Variants in SYNE3 observed in about 807,000 individuals in gnomAD.
SYNE3 encodes the protein spectrin repeat containing nuclear envelope family member 3.
Under a neutral mutation model 111.2 loss-of-function variants are expected in SYNE3, and 100 were observed. The ratio of observed to expected loss-of-function variants is 0.90; its 90% confidence interval spans 0.77 to 1.06. The LOEUF (loss-of-function observed/expected upper bound fraction) is 1.06, where lower values mean the gene tolerates loss of function less well. Among genes scored for constraint, SYNE3 ranks in the 50% least tolerant of loss-of-function variants. The pLI is 0.00. For missense variants in SYNE3, 1,160 were observed against 1,240.3 expected, an observed-to-expected ratio of 0.94 and a Z score of 0.97; for synonymous variants, 547 against 533.9, an observed-to-expected ratio of 1.02 and a Z score of -0.34.
At chr14:95,498,122 AT>A (rs34301519) in intron 1 of SYNE3, among the ~76,000 whole-genome samples, 14 of 151,548 alleles carry the variant, frequency 9.2e-5, no homozygotes, top group Middle Eastern at 3.4e-3. Flanking sequence ...GGTATTAACA[AT>A]TTTTTTTAAA....
Position 95,455,484 on chromosome 14 carries a change from G to A in SYNE3, c.1030C>T (p.Leu344Phe). 1 of 1,613,588 alleles carries A rather than the reference G, an allele frequency of 6.2e-7. No homozygotes were observed. The highest frequency in any genetic ancestry group is 8.5e-7 in the Non-Finnish European group (1 of 1,179,996). ...TGCAGGACCATCCTGAACTCACTGA[G>A]CTCAGCCTCCAGCTGCTTAATCTGC... Reference protein sequence around the residue: ...EQQIKQLEAELSEFRMVLQRL... With the variant: ...EQQIKQLEAEFSEFRMVLQRL... Residue 344 changes from leucine to phenylalanine, a missense_variant, in exon 6 of 18, where the codon CTC becomes TTC. Transcript: ENST00000682763.
At chr14:95,513,977 C>T (rs1890818315) in intron 1 of SYNE3, among the ~76,000 whole-genome samples, 1 of 151,852 alleles carries the variant, frequency 6.6e-6, no homozygotes, top group Non-Finnish European at 1.5e-5. Context: ...TGGATATCAG[C>T]CTTCTCATCT....
At position 95,470,883 on chromosome 14, in the gene SYNE3, G is replaced by A. The variant is rs1305579253; in HGVS notation, c.145-2916C>T. Among the ~76,000 whole-genome samples, 1 of 151,614 alleles carries A rather than the reference G, an allele frequency of 6.6e-6. No homozygotes were observed. The highest frequency in any genetic ancestry group is 1.5e-5 in the Non-Finnish European group (1 of 67,940). ...TGAGGCAGGAGACTTGCTTGAACCT[G>A]GGAGGCAGATGTTGCAGTGAGCCGA... On this transcript the variant is annotated intron_variant, in intron 2 of 17. Coordinates refer to ENST00000682763, the MANE Select transcript of SYNE3 (RefSeq NM_152592.6). The surrounding 1 kb of genome is among the most constrained non-coding windows in gnomAD (Gnocchi z 4.2).
At chr14:95,501,924 G>C (rs978616688) in intron 1 of SYNE3, among the ~76,000 whole-genome samples, 1 of 152,122 alleles carries the variant, frequency 6.6e-6, no homozygotes, top group African/African-American at 2.4e-5. Context: ...AGACTCTTGC[G>C]GGGGCACACA....
Position 95,457,270 on chromosome 14 carries a change from G to A in SYNE3, c.696C>T (p.Phe232=). 1 of 1,614,072 alleles carries A rather than the reference G, an allele frequency of 6.2e-7. No homozygotes were observed. Among genetic ancestry groups the A allele is most frequent in the Non-Finnish European group, 8.5e-7 (1 of 1,180,018 alleles). Residue 232 remains phenylalanine (F), a synonymous_variant, in exon 5 of 18, where the codon TTC becomes TTT. Coordinates refer to ENST00000682763, the MANE Select transcript of SYNE3 (RefSeq NM_152592.6). ...HEEYQAGVDE[F]QLWLKAVVEK... is the part of the protein sequence containing the mutation. The stretch of plus-strand genomic sequence containing the variant: ...CCACCACCGCCTTCAGCCACAGTTG[G>A]AACTCGTCCACACCTGCCTGGTACT...
chr14:95,409,492 C>A lies in SYNE3; in HGVS notation c.*8334G>T, dbSNP rs553249880. 2 of 414,438 alleles carry A rather than the reference C, an allele frequency of 4.8e-6. No homozygotes were observed. The highest frequency in any genetic ancestry group is 1.4e-4 in the East Asian group (2 of 14,144). The allele number at this position is 414,438 out of a possible 1,614,324, so 25.7% of individuals were successfully genotyped here. On this transcript the variant is annotated 3_prime_UTR_variant, in exon 18 of 18. Transcript: ENST00000682763. Reference sequence around the variant, plus strand: ...GAAGCCCAGGATCCTCGGGGGAAACCGAGGTCCCTCCTTATGATTGCTGTC... The same window carrying A: ...GAAGCCCAGGATCCTCGGGGGAAACAGAGGTCCCTCCTTATGATTGCTGTC...
chr14:95,444,739 A>C, intron 9 of SYNE3, 111 bp from the exon 10 acceptor site: 2 of 1,345,058 alleles, frequency 1.5e-6, no homozygotes, highest in Non-Finnish European at 2.0e-6. Context: ...GCTCATGCTC[A>C]TTCAGGCGCC....
intron 11 of SYNE3, among the ~76,000 whole-genome samples, chr14:95,441,101 G>A (rs1595193647): frequency 6.6e-6 from 1 of 152,270 alleles, no homozygotes; most frequent in Admixed American, 6.5e-5. Context: ...TCAGACCCCA[G>A]GGCCTGCCGT....
chr14:95,439,214 C>A, intron 13 of SYNE3, 52 bp from the exon 14 acceptor site: 1 of 1,608,000 alleles, frequency 6.2e-7, no homozygotes, highest in Non-Finnish European at 8.5e-7. Flanking sequence ...GGGGACCCAC[C>A]AGGACATGGG....
intron 17 of SYNE3, among the ~76,000 whole-genome samples, chr14:95,421,711 C>T (rs1365306938): frequency 6.6e-6 from 1 of 152,206 alleles, no homozygotes; most frequent in Non-Finnish European, 1.5e-5. Flanking sequence ...TTCCCCTCTG[C>T]CAGGGATGCA....
intron 15 of SYNE3, among the ~76,000 whole-genome samples, chr14:95,434,783 G>A (rs1200503868): frequency 6.6e-6 from 1 of 152,102 alleles, no homozygotes; most frequent in Non-Finnish European, 1.5e-5. Context: ...TTAGCCTCCC[G>A]AATAGCTGGG....
chr14:95,445,882 C>T (rs746076179), intron 9 of SYNE3, 27 bp downstream of exon 9: 3 of 1,608,926 alleles, frequency 1.9e-6, no homozygotes, highest in East Asian at 2.2e-5. Context: ...CAAGCCAAGT[C>T]CCGAGCAGAT....
At chr14:95,494,479 G>A (rs145422193) in intron 1 of SYNE3, among the ~76,000 whole-genome samples, 7 of 152,320 alleles carry the variant, frequency 4.6e-5, no homozygotes, top group Non-Finnish European at 4.4e-5. Flanking sequence ...TCAGGCTGCA[G>A]GATGGGTTTG....
At chr14:95,454,553 A>G (rs1431993712) in intron 6 of SYNE3, among the ~76,000 whole-genome samples, 1 of 152,258 alleles carries the variant, frequency 6.6e-6, no homozygotes, top group Non-Finnish European at 1.5e-5. Flanking sequence ...AGCAGGGGAC[A>G]GTTCCCTTTG....
intron 1 of SYNE3, among the ~76,000 whole-genome samples, chr14:95,479,846 C>T (rs766911271): frequency 2.6e-5 from 4 of 152,080 alleles, no homozygotes; most frequent in Non-Finnish European, 4.4e-5. Flanking sequence ...TTGGAAGGGG[C>T]GGGTAGGAGA....
chr14:95,455,560 C>T lies in SYNE3; in HGVS notation c.954G>A (p.Glu318=). 1.2e-6 allele frequency: 2 copies of T among 1,614,126 alleles called. No individual in the cohort carries two copies. The highest frequency in any genetic ancestry group is 1.7e-6 in the Non-Finnish European group (2 of 1,179,998). Residue 318 remains glutamate (E), a synonymous_variant, in exon 6 of 18, where the codon GAG becomes GAA. Transcript: ENST00000682763. ...VLEKLRALWE[E]EEERLRGLLR... ...GCAGGCCCCGCAGCCGCTCCTCCTCCTCCTCCCAGAGGGCGCGCAGCTTCT... is the reference window on the plus strand; with the variant it reads ...GCAGGCCCCGCAGCCGCTCCTCCTCTTCCTCCCAGAGGGCGCGCAGCTTCT...
chr14:95,439,967 G>A lies in SYNE3; in HGVS notation c.2020C>T (p.His674Tyr). The A allele has an allele frequency of 6.2e-7, 1 of 1,614,066 alleles. No individual in the cohort carries two copies. Among genetic ancestry groups the A allele is most frequent in the Non-Finnish European group, 8.5e-7 (1 of 1,180,042 alleles). ...IVVTTQKLEA[H>Y]RGEAGPGDAE... ...TCCCCCGGGCCCGCCTCTCCCCGGT[G>A]TGCCTCCAGCTTTTGCGTGGTCACA... Residue 674 changes from histidine (H) to tyrosine (Y), a missense_variant, in exon 12 of 18, where the codon CAC becomes TAC. By Grantham distance (83) the His-to-Tyr change is moderately conservative. Transcript: ENST00000682763.
At position 95,408,398 on chromosome 14, in the gene SYNE3, T is replaced by C. The variant is rs1270012764; in HGVS notation, c.*9428A>G. 6.6e-6 allele frequency: 1 copy of C among 152,210 alleles called. No individual in the cohort carries two copies. Among genetic ancestry groups the C allele is most frequent in the Admixed American group, 6.5e-5 (1 of 15,282 alleles). The allele number at this position is 152,210 out of a possible 1,614,324, so 9.4% of individuals were successfully genotyped here. ...CCCTCTTTCAAAGCAGGTTATCTGC[T>C]ATCCTGAGAAAAAGAGGGCATCGTG... On this transcript the variant is annotated 3_prime_UTR_variant, in exon 18 of 18. Coordinates refer to ENST00000682763, the MANE Select transcript of SYNE3 (RefSeq NM_152592.6).
In SYNE3 at chr14:95,432,134, G is replaced by T. The variant is rs1286356035; in HGVS notation, c.2689-17C>A. 1.2e-6 allele frequency: 2 copies of T among 1,608,410 alleles called. No homozygotes were observed. Among genetic ancestry groups the T allele is most frequent in the Non-Finnish European group, 8.5e-7 (1 of 1,177,872 alleles). On this transcript the variant is annotated splice_polypyrimidine_tract_variant and intron_variant, in intron 16 of 17. Transcript: ENST00000682763. ...ACTTTGTGTCTGTTATTTTAGGGAA[G>T]GAGAGGAAAAGGGGGGAAAAAAATA...
Sources: allele counts gnomAD v4.1 joint callset (sites outside exome capture counted in the v4.1 genomes callset), GRCh38; gene constraint gnomAD v4.1.1; non-coding constraint Gnocchi (gnomAD v3.1); transcripts MANE v1.5; gene names NCBI Gene and HGNC (gene_info 2026-07-23, HGNC 2026-07-21).